Variants in TOX observed in about 807,000 individuals in gnomAD.
TOX encodes thymocyte selection associated high mobility group box.
A neutral mutation model predicts 53.7 loss-of-function variants in TOX; 11 were observed. That is an observed-to-expected ratio of 0.20 (90% CI 0.13 to 0.34). The LOEUF (loss-of-function observed/expected upper bound fraction) is 0.34, where lower values mean the gene tolerates loss of function less well. TOX is among the 10% of genes least tolerant of loss of function. The pLI, the probability that TOX is intolerant of heterozygous loss-of-function variation, is 1.00. For missense variants in TOX, 570 were observed against 664.6 expected (o/e 0.86, Z 1.56); for synonymous variants, 225 against 245.3 (o/e 0.92, Z 0.77).
intron 6 of TOX, among the ~76,000 whole-genome samples, chr8:58,826,540 T>A (rs1298611058): frequency 1.3e-5 from 2 of 152,120 alleles, no homozygotes; most frequent in Non-Finnish European, 2.9e-5. Context: ...TATGGAGAAG[T>A]AGAAAGTTGG....
chr8:58,855,924 G>GA (rs776594941), intron 3 of TOX, among the ~76,000 whole-genome samples: 1 of 152,058 alleles, frequency 6.6e-6, no homozygotes, highest in Non-Finnish European at 1.5e-5. Context: ...AAAAAGAGGG[G>GA]AAAAACCCCA....
At chr8:59,060,007 C>G (rs1803952380) in intron 1 of TOX, among the ~76,000 whole-genome samples, 1 of 151,948 alleles carries the variant, frequency 6.6e-6, no homozygotes, top group Non-Finnish European at 1.5e-5. Flanking sequence ...TTACCTTGAT[C>G]AACCATAGTT....
intron 3 of TOX, among the ~76,000 whole-genome samples, chr8:58,933,949 G>T (rs1812302627): frequency 6.6e-6 from 1 of 152,162 alleles, no homozygotes; most frequent in Non-Finnish European, 1.5e-5. Context: ...ACTTGCCCAT[G>T]ACTGACAAGC....
intron 3 of TOX, among the ~76,000 whole-genome samples, chr8:58,893,909 C>T (rs1811599470): frequency 6.6e-6 from 1 of 152,202 alleles, no homozygotes; most frequent in Non-Finnish European, 1.5e-5. Context: ...AAAATGAGAG[C>T]TTCCCTCAGT....
intron 1 of TOX, among the ~76,000 whole-genome samples, chr8:59,074,861 T>C (rs1238147888): frequency 2.0e-5 from 3 of 152,116 alleles, no homozygotes; most frequent in African/African-American, 4.8e-5. Flanking sequence ...TGGCTGGCAT[T>C]ATGTGGAGGC....
At chr8:58,955,146 T>A (rs1812689156) in intron 2 of TOX, among the ~76,000 whole-genome samples, 1 of 152,226 alleles carries the variant, frequency 6.6e-6, no homozygotes, top group Admixed American at 6.5e-5. Context: ...CTATATTTTA[T>A]CATTCTTATT....
chr8:58,842,624 T>A (rs1017653461), intron 4 of TOX, among the ~76,000 whole-genome samples: 5 of 152,166 alleles, frequency 3.3e-5, no homozygotes, highest in Admixed American at 3.3e-4. Context: ...GGTACGGGCT[T>A]TAGATCTACT....
chr8:58,909,710 T>G (rs1255383937), intron 3 of TOX, among the ~76,000 whole-genome samples: 1 of 151,312 alleles, frequency 6.6e-6, no homozygotes, highest in Non-Finnish European at 1.5e-5. Context: ...CAGGCTGGAG[T>G]GCAGTGGCAT....
At chr8:58,962,008 C>T (rs189286128) in intron 1 of TOX, among the ~76,000 whole-genome samples, 108 of 152,342 alleles carry the variant, frequency 7.1e-4, no homozygotes, top group South Asian at 2.7e-3. Flanking sequence ...GTTTCTCTGA[C>T]TGTAACAAAC....
At chr8:59,076,391 A>G (rs1804293210) in intron 1 of TOX, among the ~76,000 whole-genome samples, 1 of 152,230 alleles carries the variant, frequency 6.6e-6, no homozygotes, top group Non-Finnish European at 1.5e-5. Flanking sequence ...TGAATGGTGG[A>G]TGCTTCTCAA....
intron 1 of TOX, among the ~76,000 whole-genome samples, chr8:59,100,060 C>T (rs1012916484): frequency 1.8e-4 from 27 of 150,836 alleles, no homozygotes; most frequent in Non-Finnish European, 2.2e-4. Flanking sequence ...AATGCAATTA[C>T]GGAGAAAAGA....
chr8:58,896,903 T>C (rs1238227502), intron 3 of TOX, among the ~76,000 whole-genome samples: 1 of 152,154 alleles, frequency 6.6e-6, no homozygotes, highest in Non-Finnish European at 1.5e-5. Flanking sequence ...TATTCCTACG[T>C]TAGGGATAAG....
At chr8:58,969,569 T>G (rs1282869581) in intron 1 of TOX, among the ~76,000 whole-genome samples, 1 of 152,210 alleles carries the variant, frequency 6.6e-6, no homozygotes, top group African/African-American at 2.4e-5. Flanking sequence ...TTTATGAAGA[T>G]TATAGAATAA....
chr8:59,106,640 C>G (rs1804909893), intron 1 of TOX, among the ~76,000 whole-genome samples: 1 of 152,116 alleles, frequency 6.6e-6, no homozygotes, highest in African/African-American at 2.4e-5. Context: ...TAAGCAGAGT[C>G]ATGAATTCAC....
chr8:59,020,744 T>G (rs761114339), intron 1 of TOX, among the ~76,000 whole-genome samples: 7 of 152,172 alleles, frequency 4.6e-5, no homozygotes, highest in Non-Finnish European at 8.8e-5. Context: ...TGTACCATAC[T>G]TTTACATTAC....
chr8:58,928,886 C>A lies in TOX; in HGVS notation c.411+10416G>T, dbSNP rs549972317. 4.6e-5 allele frequency among the ~76,000 whole-genome samples: 7 copies of A among 152,146 alleles called. No individual in the cohort carries two copies. In the South Asian group the frequency reaches 1.0e-3, roughly 23 times the overall value. On this transcript the variant is annotated intron_variant, in intron 3 of 8. Coordinates refer to ENST00000361421, the MANE Select transcript of TOX (RefSeq NM_014729.3). ...TTAACACAGAATGTGATTACATATACAATAGATATAAAAATGTAAAGCATT... is the reference window on the plus strand; with the variant it reads ...TTAACACAGAATGTGATTACATATAAAATAGATATAAAAATGTAAAGCATT...
At position 59,118,579 on chromosome 8, in the gene TOX, G is replaced by T. The variant is rs536393340; in HGVS notation, c.102+307C>A. ...AGACACACCCCCAAAGTATTCCACG[G>T]TTTTCTCTTATTATTTTTTTAAACG... is the stretch of plus-strand genomic sequence containing the variant. On this transcript the variant is annotated intron_variant, in intron 1 of 8. Transcript: ENST00000361421. This position sits in a 1 kb window ranked among gnomAD's most constrained non-coding sequence, Gnocchi z 4.1. 1.0e-3 allele frequency among the ~76,000 whole-genome samples: 154 copies of T among 152,314 alleles called. 1 individual carries two copies. Among genetic ancestry groups the T allele is most frequent in the African/African-American group, 3.5e-3 (144 of 41,568 alleles).
At chr8:58,812,489 A>G (rs2693430) in intron 7 of TOX, among the ~76,000 whole-genome samples, 53,369 of 151,678 alleles carry the variant, frequency 0.35, 10,411 homozygotes, top group African/African-American at 0.53. Flanking sequence ...CACCCTTCCC[A>G]CTTTCCAGTA....
rs755032289 is a variant in TOX at position 58,815,713 on chromosome 8, T to C, written c.1017A>G (p.Glu339=). The C allele has an allele frequency of 2.5e-6, 4 of 1,610,802 alleles. No individual in the cohort carries two copies. Among genetic ancestry groups the C allele is most frequent in the South Asian group, 1.1e-5 (1 of 90,566 alleles). The change falls in exon 7 of 9, where the codon GAA becomes GAG. Residue 339 remains glutamate, a synonymous_variant. Coordinates refer to ENST00000361421, the MANE Select transcript of TOX (RefSeq NM_014729.3). The stretch of plus-strand genomic sequence containing the variant: ...GTTGAGATGTCTTCACGTCAACAGG[T>C]TCACTGTAGCTCTGTTGAGGAAATA... The part of the protein sequence containing the change: ...RASLVSKSYS[E]PVDVKTSQPP...
Sources: allele counts gnomAD v4.1 joint callset (sites outside exome capture counted in the v4.1 genomes callset), GRCh38; gene constraint gnomAD v4.1.1; non-coding constraint Gnocchi (gnomAD v3.1); transcripts MANE v1.5; gene names NCBI Gene and HGNC (gene_info 2026-07-23, HGNC 2026-07-21).